Variants in KCNQ5 observed in about 807,000 individuals in gnomAD.
KCNQ5 encodes the protein potassium voltage-gated channel subfamily Q member 5.
KCNQ5 carries 30 observed loss-of-function variants against 98.2 expected under a neutral mutation model. The ratio of observed to expected loss-of-function variants is 0.31; its 90% confidence interval spans 0.23 to 0.41. The LOEUF (loss-of-function observed/expected upper bound fraction) is 0.41. Among genes scored for constraint, KCNQ5 ranks in the 10% least tolerant of loss-of-function variants. The pLI is 1.00. For synonymous variants in KCNQ5, 458 were observed against 449.4 expected (o/e 1.02, Z -0.24); for missense variants, 835 against 1,182.5 (o/e 0.71, Z 4.31).
At chr6:72,753,961 T>G (rs1028191874) in intron 1 of KCNQ5, among the ~76,000 whole-genome samples, 2 of 152,126 alleles carry the variant, frequency 1.3e-5, no homozygotes, top group African/African-American at 4.8e-5. Flanking sequence ...GACAATCATG[T>G]GGTCTCCAAA....
At chr6:73,081,916 A>T (rs1773789793) in intron 5 of KCNQ5, among the ~76,000 whole-genome samples, 1 of 152,246 alleles carries the variant, frequency 6.6e-6, no homozygotes, top group Non-Finnish European at 1.5e-5. Context: ...AATGCTAAAC[A>T]CACGAAGGTG....
chr6:73,066,683 T>G (rs75262594), intron 3 of KCNQ5, among the ~76,000 whole-genome samples: 2,249 of 152,288 alleles, frequency 0.015, 54 homozygotes, highest in African/African-American at 0.051. Context: ...TCAATCCAAC[T>G]ATTTTAAAGG....
intron 8 of KCNQ5, among the ~76,000 whole-genome samples, chr6:73,122,958 A>G (rs936522585): frequency 2.6e-5 from 4 of 152,182 alleles, no homozygotes; most frequent in African/African-American, 7.2e-5. Flanking sequence ...GAAACAGACT[A>G]CAATTACTAT....
chr6:72,909,436 C>G, intron 1 of KCNQ5, among the ~76,000 whole-genome samples: 1 of 152,120 alleles, frequency 6.6e-6, no homozygotes, highest in East Asian at 1.9e-4. Context: ...GGAAATTAAG[C>G]GTTAAATTTT....
At chr6:73,154,863 G>A (rs548202362) in intron 10 of KCNQ5, among the ~76,000 whole-genome samples, 2 of 152,112 alleles carry the variant, frequency 1.3e-5, no homozygotes, top group Admixed American at 1.3e-4. Flanking sequence ...GGATTTTGAA[G>A]TATACCTAGT....
intron 10 of KCNQ5, among the ~76,000 whole-genome samples, chr6:73,151,145 T>C (rs1219715933): frequency 6.6e-6 from 1 of 152,186 alleles, no homozygotes; most frequent in African/African-American, 2.4e-5. Context: ...TACCTCAAAA[T>C]TGAAAGTTCA....
At chr6:73,039,114 C>G (rs946101836) in intron 2 of KCNQ5, among the ~76,000 whole-genome samples, 1 of 152,078 alleles carries the variant, frequency 6.6e-6, no homozygotes, top group Non-Finnish European at 1.5e-5. Flanking sequence ...TCTAAGTTAT[C>G]AAGTGTATGT....
chr6:72,970,092 CT>C (rs1767803837), intron 1 of KCNQ5, among the ~76,000 whole-genome samples: 1 of 151,990 alleles, frequency 6.6e-6, no homozygotes, highest in Non-Finnish European at 1.5e-5. Context: ...GACCCTATCT[CT>C]AAAAAAATAA....
intron 1 of KCNQ5, among the ~76,000 whole-genome samples, chr6:72,955,458 C>T (rs970319036): frequency 1.3e-5 from 2 of 152,090 alleles, no homozygotes; most frequent in Non-Finnish European, 2.9e-5. Context: ...CCTTTTAAAT[C>T]ATTTTAAATT....
Position 72,690,220 on chromosome 6 carries a change from C to T in KCNQ5, c.398+67633C>T, listed in dbSNP as rs531620790. On this transcript the variant is annotated intron_variant, in intron 1 of 13. Transcript: ENST00000370398. ...CCAGAAGCCAGAGGTTGCAGTGAGCCGTGATCCCGTCTCCAAAAAAACAAA... is the reference window on the plus strand; with the variant it reads ...CCAGAAGCCAGAGGTTGCAGTGAGCTGTGATCCCGTCTCCAAAAAAACAAA... Among the ~76,000 whole-genome samples the T allele has an allele frequency of 8.5e-5, 13 of 152,076 alleles. No individual in the cohort carries two copies. In the South Asian group the frequency reaches 2.1e-3, roughly 24 times the overall value.
At chr6:73,019,546 A>G (rs73753225) in intron 2 of KCNQ5, among the ~76,000 whole-genome samples, 6,654 of 152,250 alleles carry the variant, frequency 0.044, 302 homozygotes, top group African/African-American at 0.12. Context: ...TCAAAAGGAT[A>G]AAAGGATAAA....
chr6:72,715,944 G>A (rs1769625874), intron 1 of KCNQ5, among the ~76,000 whole-genome samples: 1 of 151,928 alleles, frequency 6.6e-6, no homozygotes, highest in Non-Finnish European at 1.5e-5. Context: ...ACTTTTTACT[G>A]TTGATCTTAA....
chr6:72,849,143 C>CAT (rs1265301156), intron 1 of KCNQ5, among the ~76,000 whole-genome samples: 1 of 149,596 alleles, frequency 6.7e-6, no homozygotes, highest in Non-Finnish European at 1.5e-5. Flanking sequence ...CACACACACA[C>CAT]ATATGCACAC....
intron 1 of KCNQ5, among the ~76,000 whole-genome samples, chr6:72,925,657 G>A (rs547234950): frequency 6.6e-6 from 1 of 152,126 alleles, no homozygotes; most frequent in Non-Finnish European, 1.5e-5. Context: ...AAATAAATAT[G>A]TTCAACAGCA....
chr6:72,919,634 C>G (rs1396277596), intron 1 of KCNQ5, among the ~76,000 whole-genome samples: 1 of 152,092 alleles, frequency 6.6e-6, no homozygotes, highest in Non-Finnish European at 1.5e-5. Context: ...CTTAGTTAAT[C>G]TGCTGAGCTC....
chr6:72,774,282 A>G (rs1392437209), intron 1 of KCNQ5, among the ~76,000 whole-genome samples: 1 of 152,172 alleles, frequency 6.6e-6, no homozygotes, highest in Non-Finnish European at 1.5e-5. Flanking sequence ...AAAATAAGTC[A>G]TAAACAATAT....
chr6:72,750,109 A>T (rs963935540), intron 1 of KCNQ5, among the ~76,000 whole-genome samples: 1 of 152,094 alleles, frequency 6.6e-6, no homozygotes, highest in Non-Finnish European at 1.5e-5. Context: ...TTTTTTATGT[A>T]AATGGGGAGA....
chr6:72,994,852 A>G (rs9442873), intron 1 of KCNQ5, among the ~76,000 whole-genome samples: 7,992 of 152,248 alleles, frequency 0.052, 711 homozygotes, highest in African/African-American at 0.18. Flanking sequence ...AAGAACTTTC[A>G]TTAATAGTTT....
chr6:72,698,648 CTTTTTTTTTTTT>C (rs753567095), intron 1 of KCNQ5, among the ~76,000 whole-genome samples: 4 of 94,002 alleles, frequency 4.3e-5, no homozygotes, highest in African/African-American at 7.2e-5. Flanking sequence ...TCTTCTTCTT[CTTTTTTTTTTTT>C]TTTTTTTTTT....
Sources: allele counts gnomAD v4.1 joint callset (sites outside exome capture counted in the v4.1 genomes callset), GRCh38; gene constraint gnomAD v4.1.1; transcripts MANE v1.5; gene names NCBI Gene and HGNC (gene_info 2026-07-23, HGNC 2026-07-21).